The following GRIK2 variants were observed in gnomAD, a reference collection of about 807,000 sequenced individuals.
GRIK2 encodes the protein glutamate ionotropic receptor kainate type subunit 2.
In GRIK2, 32 loss-of-function variants were observed where a neutral mutation model predicts 100.3. That is an observed-to-expected ratio of 0.32 (90% CI 0.24 to 0.43). The LOEUF (loss-of-function observed/expected upper bound fraction) is 0.43. Among genes scored for constraint, GRIK2 ranks in the 20% least tolerant of loss-of-function variants. The pLI, the probability that GRIK2 is intolerant of heterozygous loss-of-function variation, is 1.00. For missense variants in GRIK2, 843 were observed against 1,114.9 expected (o/e 0.76, Z 3.47); for synonymous variants, 417 against 389.4 (o/e 1.07, Z -0.83).
chr6:101,473,100 C>CCTTA (rs1772035682), intron 2 of GRIK2, among the ~76,000 whole-genome samples: 1 of 8,124 alleles, frequency 1.2e-4, no homozygotes, highest in Non-Finnish European at 3.7e-4. Context: ...CCTAGGTTTT[C>CCTTA]CTTCCTTCCT....
At chr6:101,619,356 C>T (rs199950444) in intron 2 of GRIK2, among the ~76,000 whole-genome samples, 1 of 151,290 alleles carries the variant, frequency 6.6e-6, no homozygotes, top group Non-Finnish European at 1.5e-5. Context: ...AATGGGTTAT[C>T]CTAAGGAAAT....
At chr6:101,982,684 C>A (rs539658589) in intron 14 of GRIK2, among the ~76,000 whole-genome samples, 66 of 149,680 alleles carry the variant, frequency 4.4e-4, no homozygotes, top group Non-Finnish European at 6.1e-4. Context: ...GTACGAGAAT[C>A]CAGAATTTCT....
At chr6:101,794,002 G>T (rs1219787100) in intron 7 of GRIK2, among the ~76,000 whole-genome samples, 1 of 152,152 alleles carries the variant, frequency 6.6e-6, no homozygotes, top group Non-Finnish European at 1.5e-5. Flanking sequence ...ATGGGCGTAG[G>T]ACCCTCCGAG....
At chr6:101,593,371 T>C (rs892221384) in intron 2 of GRIK2, among the ~76,000 whole-genome samples, 11 of 151,906 alleles carry the variant, frequency 7.2e-5, no homozygotes, top group Admixed American at 5.9e-4. Flanking sequence ...TGCTGTCGTG[T>C]AATGAGCATC....
intron 7 of GRIK2, among the ~76,000 whole-genome samples, chr6:101,756,375 C>CTACATTTATAATCTACATTTATAAGTGGT (rs1777135977): frequency 7.8e-6 from 1 of 127,918 alleles, no homozygotes; most frequent in African/African-American, 3.2e-5. Flanking sequence ...AGTTTCTTAT[C>CTACATTTATAATCTACATTTATAAGTGGT]TACATTTATA....
At chr6:101,872,094 T>C (rs1785463511) in intron 11 of GRIK2, among the ~76,000 whole-genome samples, 1 of 152,046 alleles carries the variant, frequency 6.6e-6, no homozygotes, top group South Asian at 2.1e-4. Flanking sequence ...TGTGAGATGG[T>C]ATCTCAATGT....
chr6:101,942,420 T>C (rs1398533354), intron 14 of GRIK2, among the ~76,000 whole-genome samples: 3 of 152,180 alleles, frequency 2.0e-5, no homozygotes, highest in East Asian at 1.9e-4. Flanking sequence ...ATTTGAACAA[T>C]TCTGAGGGCT....
At chr6:101,846,417 C>T (rs1337587748) in intron 10 of GRIK2, among the ~76,000 whole-genome samples, 1 of 151,974 alleles carries the variant, frequency 6.6e-6, no homozygotes, top group Non-Finnish European at 1.5e-5. Context: ...AGAGATGATT[C>T]TCATTATTTT....
intron 2 of GRIK2, among the ~76,000 whole-genome samples, chr6:101,438,056 A>T (rs1489447192): frequency 1.3e-5 from 2 of 152,138 alleles, no homozygotes; most frequent in Non-Finnish European, 2.9e-5. Flanking sequence ...CCTTGCTTGG[A>T]TCACAAAGTC....
intron 7 of GRIK2, among the ~76,000 whole-genome samples, chr6:101,750,251 T>C (rs1776702911): frequency 6.6e-6 from 1 of 152,168 alleles, no homozygotes; most frequent in Admixed American, 6.5e-5. Context: ...TTGGCCAGTG[T>C]TACACAGAAG....
At chr6:101,882,560 C>CT (rs200808401) in intron 11 of GRIK2, among the ~76,000 whole-genome samples, 84 of 147,962 alleles carry the variant, frequency 5.7e-4, no homozygotes, top group African/African-American at 1.2e-3. Flanking sequence ...AAATCTATTA[C>CT]TTTTTTTTTT....
intron 4 of GRIK2, among the ~76,000 whole-genome samples, chr6:101,641,086 T>C (rs77672033): frequency 0.019 from 2,816 of 152,188 alleles, 89 homozygotes; most frequent in African/African-American, 0.064. Context: ...TGAATTAGCT[T>C]TAATATGAAG....
At chr6:101,891,542 G>A (rs763493394) in intron 12 of GRIK2, 1 of 369,228 alleles carries the variant, frequency 2.7e-6, no homozygotes, top group South Asian at 2.0e-5. Flanking sequence ...AAAAAAGGTG[G>A]ATTATATTTT....
chr6:101,556,321 A>ATTTTTTTTTTTTTTTTTTTTTTT lies in GRIK2; in HGVS notation c.116-65619_116-65597dup, dbSNP rs10528480. On this transcript the variant is annotated intron_variant, in intron 2 of 16. Transcript: ENST00000369134. ...AATTGCACTATGTAATATATTGGTA[A>ATTTTTTTTTTTTTTTTTTTTTTT]TTTTTTTTTTTTTTTTTTTTTTTTT... is the stretch of plus-strand genomic sequence containing the variant. Among the ~76,000 whole-genome samples, 110 of 59,398 alleles carry ATTTTTTTTTTTTTTTTTTTTTTT rather than the reference A, an allele frequency of 1.9e-3. 29 individuals carry two copies. The highest frequency in any genetic ancestry group is 2.8e-3 in the Non-Finnish European group (78 of 27,412). 39.0% of individuals were successfully genotyped at this position (59,398 alleles called of 152,430 possible). A position where few individuals can be genotyped will look rare whatever the true frequency, so the allele number is the denominator to read the frequency against.
intron 14 of GRIK2, among the ~76,000 whole-genome samples, chr6:101,977,231 C>CTATGTTATGTTATGTTATGT (rs58581420): frequency 9.6e-4 from 141 of 146,552 alleles, no homozygotes; most frequent in African/African-American, 2.7e-3. Context: ...TTATTAGTGG[C>CTATGTTATGTTATGTTATGT]TATGTTATGT....
At position 101,564,087 on chromosome 6, in the gene GRIK2, A is replaced by T. The variant is rs557495709; in HGVS notation, c.116-57862A>T. ...AAATACAACACACCTATTTTTTTACATTCAAATTATCATTAGGCTAATTGC... is the reference window on the plus strand; with the variant it reads ...AAATACAACACACCTATTTTTTTACTTTCAAATTATCATTAGGCTAATTGC... On this transcript the variant is annotated intron_variant, in intron 2 of 16. Transcript: ENST00000369134. Among the ~76,000 whole-genome samples the T allele has an allele frequency of 5.3e-5, 8 of 152,310 alleles. No individual in the cohort carries two copies. In the East Asian group the frequency reaches 5.8e-4, roughly 11 times the overall value.
intron 10 of GRIK2, among the ~76,000 whole-genome samples, chr6:101,838,429 G>A (rs1386234316): frequency 1.3e-5 from 2 of 151,970 alleles, no homozygotes; most frequent in South Asian, 4.2e-4. Context: ...TTTTCAATGT[G>A]TAACAAAAAG....
At chr6:101,658,516 G>T (rs148024653) in intron 4 of GRIK2, among the ~76,000 whole-genome samples, 6,450 of 152,210 alleles carry the variant, frequency 0.042, 198 homozygotes, top group Non-Finnish European at 0.066. Context: ...ATAAACATAC[G>T]TGTGCATGTG....
chr6:101,755,084 A>C (rs1366073007), intron 7 of GRIK2, among the ~76,000 whole-genome samples: 1 of 151,990 alleles, frequency 6.6e-6, no homozygotes, highest in Non-Finnish European at 1.5e-5. Context: ...AAGAAAAGAC[A>C]TGAAAACAAG....
Sources: allele counts gnomAD v4.1 joint callset (sites outside exome capture counted in the v4.1 genomes callset), GRCh38; gene constraint gnomAD v4.1.1; transcripts MANE v1.5; gene names NCBI Gene and HGNC (gene_info 2026-07-23, HGNC 2026-07-21).